PIK3R1: variants seen among roughly 807,000 people sequenced by gnomAD.
The protein encoded by PIK3R1 is phosphoinositide-3-kinase regulatory subunit 1.
PIK3R1 carries 29 observed loss-of-function variants against 98.0 expected under a neutral mutation model. That is an observed-to-expected ratio of 0.30 (90% confidence interval 0.22 to 0.40). The LOEUF is 0.40. Among genes scored for constraint, PIK3R1 ranks in the 10% least tolerant of loss-of-function variants. PIK3R1 has a pLI of 1.00. For synonymous variants in PIK3R1, 282 were observed against 311.8 expected (o/e 0.90, Z 1.01); for missense variants, 596 against 872.7 (o/e 0.68, Z 3.99).
intron 2 of PIK3R1, among the ~76,000 whole-genome samples, chr5:68,239,460 C>T (rs748528129): frequency 2.0e-5 from 3 of 152,102 alleles, no homozygotes; most frequent in Non-Finnish European, 2.9e-5. Flanking sequence ...GTTCAACACA[C>T]GCATTATTTT....
rs1180098644 is a variant in PIK3R1 at position 68,239,884 on chromosome 5, A to T, written c.334+12875A>T. 9.5e-5 allele frequency: 48 copies of T among 505,838 alleles called. 2 individuals are homozygous for T. The Admixed American group carries it at 1.0e-3, about 11-fold the overall frequency. The allele number at this position is 505,838 out of a possible 1,614,324, so 31.3% of individuals were successfully genotyped here. On this transcript the variant is annotated intron_variant, in intron 2 of 15. Transcript: ENST00000521381. ...CTGAAAAGAATAAAGCAGATGTGTGAGTTACTATTCCTTACAGCAAAAGAA... is the reference window on the plus strand; with the variant it reads ...CTGAAAAGAATAAAGCAGATGTGTGTGTTACTATTCCTTACAGCAAAAGAA...
intron 2 of PIK3R1, among the ~76,000 whole-genome samples, chr5:68,261,540 A>C (rs927856039): frequency 1.3e-5 from 2 of 152,184 alleles, no homozygotes; most frequent in Non-Finnish European, 2.9e-5. Context: ...AATTGTATTG[A>C]AAACCCCTTT....
At chr5:68,265,718 C>T (rs866511264) in intron 2 of PIK3R1, among the ~76,000 whole-genome samples, 6 of 152,130 alleles carry the variant, frequency 3.9e-5, no homozygotes, top group African/African-American at 9.7e-5. Flanking sequence ...TCTGTAGCAA[C>T]TGACTTCCAC....
intron 1 of PIK3R1, among the ~76,000 whole-genome samples, chr5:68,218,804 G>A (rs1050470592): frequency 6.6e-6 from 1 of 152,200 alleles, no homozygotes; most frequent in African/African-American, 2.4e-5. Context: ...TGAAGCCCTG[G>A]AAGACTAGAA....
intron 7 of PIK3R1, among the ~76,000 whole-genome samples, chr5:68,286,768 G>C (rs1269858565): frequency 6.6e-6 from 1 of 152,172 alleles, no homozygotes; most frequent in African/African-American, 2.4e-5. Context: ...ACTTAACAGA[G>C]CATTTTAATC....
intron 2 of PIK3R1, among the ~76,000 whole-genome samples, chr5:68,257,713 T>C (rs768739244): frequency 5.3e-5 from 8 of 152,190 alleles, no homozygotes; most frequent in Non-Finnish European, 8.8e-5. Context: ...ATAATATTAA[T>C]TCCCTGTCCT....
chr5:68,221,528 A>G (rs941196878), intron 1 of PIK3R1, among the ~76,000 whole-genome samples: 1 of 152,180 alleles, frequency 6.6e-6, no homozygotes, highest in Non-Finnish European at 1.5e-5. Context: ...TCATTGGGAG[A>G]TAGAATCACA....
chr5:68,226,423 A>C lies in PIK3R1; in HGVS notation c.-253A>C. The C allele has an allele frequency of 2.1e-6, 1 of 485,350 alleles. No homozygotes were observed. The allele number at this position is 485,350 out of a possible 1,614,324, so 30.1% of individuals were successfully genotyped here. A position where few individuals can be genotyped will look rare whatever the true frequency, so the allele number is the denominator to read the frequency against. ...AGTGTTGACAAGTTGCTGAAAAGGA[A>C]GCCAGTGAGAGGACTGTGGCACGCA... On this transcript the variant is annotated 5_prime_UTR_variant, in exon 2 of 16. Transcript: ENST00000521381.
chr5:68,296,765 T>A (rs1439288107), intron 15 of PIK3R1, among the ~76,000 whole-genome samples: 1 of 152,172 alleles, frequency 6.6e-6, no homozygotes, highest in African/African-American at 2.4e-5. Context: ...AAAAAAGGAT[T>A]CTGATCATTA....
At position 68,224,066 on chromosome 5, in the gene PIK3R1, A is replaced by G. The variant is rs376892666; in HGVS notation, c.-386-2224A>G. 8.8e-4 allele frequency among the ~76,000 whole-genome samples: 134 copies of G among 152,324 alleles called. 1 individual carries two copies. In the Middle Eastern group the frequency reaches 0.014, roughly 15 times the overall value. On this transcript the variant is annotated intron_variant, in intron 1 of 15. Transcript: ENST00000521381. ...GTTGAGGATTTTTTTTTCCCCCCTA[A>G]AAGACATACATTGCCAGGAAAAGCT... is the stretch of plus-strand genomic sequence containing the variant.
chr5:68,280,573 T>C lies in PIK3R1; in HGVS notation c.680T>C (p.Ile227Thr). Residue 227 changes from isoleucine (I) to threonine (T), a missense_variant, in exon 6 of 16, where the codon ATT becomes ACT. Physicochemically the swap from Ile to Thr is moderately conservative, Grantham distance 89 (BLOSUM62 -1). This residue lies in a region of PIK3R1 where 352 missense variants were observed against 393.3 expected (regional missense o/e 0.90). Transcript: ENST00000521381. ...TATATTCAGCTATTGAAGAAGCTTA[T>C]TAGGTCGCCTAGCATACCTCATCAG... ...EEYIQLLKKL[I>T]RSPSIPHQYW... 1 of 1,613,254 alleles carries C rather than the reference T, an allele frequency of 6.2e-7. No homozygotes were observed. The highest frequency in any genetic ancestry group is 2.2e-5 in the East Asian group (1 of 44,862).
rs763880555 is a variant in PIK3R1 at position 68,300,287 on chromosome 5, G to A, written c.*2686G>A. ...TCTGCCCAATGCCTTTTTGATTACA[G>A]TGTAGCTTGCCCACCGCATTTGTCG... is the stretch of plus-strand genomic sequence containing the variant. On this transcript the variant is annotated 3_prime_UTR_variant, in exon 16 of 16. Coordinates refer to ENST00000521381, the MANE Select transcript of PIK3R1 (RefSeq NM_181523.3). 4.3e-6 allele frequency: 1 copy of A among 232,996 alleles called. No individual in the cohort carries two copies. The highest frequency in any genetic ancestry group is 8.5e-6 in the Non-Finnish European group (1 of 117,954). The allele number at this position is 232,996 out of a possible 1,614,324, so 14.4% of individuals were successfully genotyped here. A position where few individuals can be genotyped will look rare whatever the true frequency, so the allele number is the denominator to read the frequency against.
intron 7 of PIK3R1, among the ~76,000 whole-genome samples, chr5:68,286,791 G>C (rs1345176966): frequency 6.6e-6 from 1 of 152,168 alleles, no homozygotes; most frequent in Non-Finnish European, 1.5e-5. Flanking sequence ...AGAAGGTTTT[G>C]ACATGAAACA....
At chr5:68,293,514 C>T (rs150156511) in intron 10 of PIK3R1, 31 bp downstream of exon 10, 12 of 1,510,764 alleles carry the variant, frequency 7.9e-6, no homozygotes, top group African/African-American at 6.9e-5. Context: ...TATCCAGTTA[C>T]GATGTTTAGA....
intron 2 of PIK3R1, among the ~76,000 whole-genome samples, chr5:68,235,238 AC>A (rs1744617929): frequency 6.6e-6 from 1 of 151,936 alleles, no homozygotes; most frequent in African/African-American, 2.4e-5. Context: ...CCCCATCTCT[AC>A]TAAAAATACA....
chr5:68,217,356 A>T (rs1435677062), intron 1 of PIK3R1: 1 of 152,146 alleles, frequency 6.6e-6, no homozygotes, highest in Non-Finnish European at 1.5e-5. Flanking sequence ...AGACAGGTTC[A>T]TTTCTTAAGC....
At chr5:68,234,332 A>G (rs150933565) in intron 2 of PIK3R1, among the ~76,000 whole-genome samples, 243 of 152,344 alleles carry the variant, frequency 1.6e-3, no homozygotes, top group Admixed American at 5.6e-3. Flanking sequence ...CAATAATGCA[A>G]CCCAGAAGCC....
intron 2 of PIK3R1, among the ~76,000 whole-genome samples, chr5:68,264,450 G>A (rs1012706961): frequency 3.3e-5 from 5 of 152,154 alleles, no homozygotes; most frequent in African/African-American, 7.2e-5. Flanking sequence ...ATTTCTTACT[G>A]CTGGTATGAC....
At chr5:68,291,550 T>G (rs1294467600) in intron 7 of PIK3R1, 1 of 152,230 alleles carries the variant, frequency 6.6e-6, no homozygotes, top group Admixed American at 6.5e-5. Flanking sequence ...CTGCAGTCTT[T>G]TATTTGTCAC....
Sources: allele counts gnomAD v4.1 joint callset (sites outside exome capture counted in the v4.1 genomes callset), GRCh38; gene constraint gnomAD v4.1.1; regional missense constraint gnomAD v4.1.1; transcripts MANE v1.5; gene names NCBI Gene and HGNC (gene_info 2026-07-23, HGNC 2026-07-21).